Variants in SHOC2 observed in about 807,000 individuals in gnomAD.
The protein encoded by SHOC2 is leucine-rich repeat protein SHOC-2.
In SHOC2, 4 loss-of-function variants were observed where a neutral mutation model predicts 50.2. The ratio of observed to expected loss-of-function variants is 0.08; its 90% confidence interval spans 0.04 to 0.18. The LOEUF is 0.18. SHOC2 is among the 10% of genes least tolerant of loss of function. The probability of loss-of-function intolerance (pLI) is 1.00; values close to 1 mark genes in which losing one functional copy is unlikely to be tolerated. For missense variants in SHOC2, 388 were observed against 669.6 expected (o/e 0.58, Z 4.64); for synonymous variants, 218 against 244.5 (o/e 0.89, Z 1.01).
At chr10:110,996,349 G>A (rs138611211) in intron 3 of SHOC2, among the ~76,000 whole-genome samples, 119 of 152,152 alleles carry the variant, frequency 7.8e-4, no homozygotes, top group African/African-American at 2.6e-3. Context: ...GCAACATGGC[G>A]AAACTCTATC....
chr10:110,928,155 A>G lies in SHOC2; in HGVS notation c.-235+8498A>G, dbSNP rs148857231. ...AACATGGTAAAACCCTGTCTTTACT[A>G]AAAAAACAAAAATTAGCTGGGTGCA... is the stretch of plus-strand genomic sequence containing the variant. On this transcript the variant is annotated intron_variant, in intron 1 of 8. Coordinates refer to ENST00000369452, the MANE Select transcript of SHOC2 (RefSeq NM_007373.4). 4.9e-3 allele frequency among the ~76,000 whole-genome samples: 742 copies of G among 151,980 alleles called. 6 individuals carry two copies. The highest frequency in any genetic ancestry group is 0.017 in the African/African-American group (698 of 41,344).
At chr10:110,953,454 T>G (rs1847396328) in intron 1 of SHOC2, among the ~76,000 whole-genome samples, 1 of 152,218 alleles carries the variant, frequency 6.6e-6, no homozygotes, top group Non-Finnish European at 1.5e-5. Flanking sequence ...TTGTGTCTTT[T>G]TGTGGCTTGA....
In SHOC2 at chr10:110,945,624, T is replaced by G. The variant is rs183760464; in HGVS notation, c.-234-18501T>G. ...CTGTTTTCTGTGATGTCGCCTCCAC[T>G]TGGGCTTTGCCATCCCACACTGACA... On this transcript the variant is annotated intron_variant, in intron 1 of 8. Coordinates refer to ENST00000369452, the MANE Select transcript of SHOC2 (RefSeq NM_007373.4). Among the ~76,000 whole-genome samples, 43 of 152,268 alleles carry G rather than the reference T, an allele frequency of 2.8e-4. No individual in the cohort carries two copies. The East Asian group carries it at 7.3e-3, about 26-fold the overall frequency.
chr10:110,971,461 G>T (rs1471758891), intron 2 of SHOC2, among the ~76,000 whole-genome samples: 2 of 152,008 alleles, frequency 1.3e-5, no homozygotes, highest in Non-Finnish European at 2.9e-5. Context: ...CTAACTTTGT[G>T]TATACTTTGA....
At chr10:110,994,122 A>T (rs1008073726) in intron 3 of SHOC2, among the ~76,000 whole-genome samples, 7 of 151,382 alleles carry the variant, frequency 4.6e-5, no homozygotes, top group East Asian at 1.9e-4. Flanking sequence ...TTTTTTTTTT[A>T]AAGGTTAGCT....
intron 1 of SHOC2, among the ~76,000 whole-genome samples, chr10:110,930,164 C>G (rs1239460505): frequency 1.3e-5 from 2 of 152,230 alleles, no homozygotes; most frequent in East Asian, 1.9e-4. Flanking sequence ...ACCAAACTGT[C>G]AGAATGGTAG....
chr10:111,003,294 C>G (rs904891731), intron 4 of SHOC2, among the ~76,000 whole-genome samples: 2 of 152,148 alleles, frequency 1.3e-5, no homozygotes, highest in Admixed American at 1.3e-4. Flanking sequence ...TCATACAGTG[C>G]TTGCTTCTCC....
intron 2 of SHOC2, among the ~76,000 whole-genome samples, chr10:110,981,468 A>G (rs568172795): frequency 9.6e-4 from 146 of 152,328 alleles, no homozygotes; most frequent in African/African-American, 3.3e-3. Flanking sequence ...TCTCAAAAGG[A>G]TGTAAGAAAA....
chr10:110,971,600 A>G (rs1294977100), intron 2 of SHOC2, among the ~76,000 whole-genome samples: 1 of 151,998 alleles, frequency 6.6e-6, no homozygotes, highest in African/African-American at 2.4e-5. Flanking sequence ...TGGCATTTTG[A>G]TAGAGATTGC....
chr10:110,973,865 C>CATAT (rs755294328), intron 2 of SHOC2, among the ~76,000 whole-genome samples: 2 of 150,320 alleles, frequency 1.3e-5, no homozygotes, highest in African/African-American at 4.9e-5. Flanking sequence ...TTTAATGTTC[C>CATAT]ATATATATAT....
chr10:110,966,185 T>C (rs1847671973), intron 2 of SHOC2, among the ~76,000 whole-genome samples: 1 of 152,124 alleles, frequency 6.6e-6, no homozygotes, highest in African/African-American at 2.4e-5. Context: ...TACATTTAAC[T>C]CTTAACTAGA....
chr10:110,923,835 C>T lies in SHOC2; in HGVS notation c.-235+4178C>T, dbSNP rs535631157. 2.6e-5 allele frequency among the ~76,000 whole-genome samples: 4 copies of T among 152,236 alleles called. No homozygotes were observed. In the South Asian group the frequency reaches 6.2e-4, roughly 24 times the overall value. On this transcript the variant is annotated intron_variant, in intron 1 of 8. Coordinates refer to ENST00000369452, the MANE Select transcript of SHOC2 (RefSeq NM_007373.4). ...TTGATAGCACTAGGAAGACTTCTAA[C>T]GTTTAAATACTTTATTTGCCCTCAA...
chr10:110,964,236 T>C lies in SHOC2; in HGVS notation c.-123T>C. The stretch of plus-strand genomic sequence containing the variant: ...CATGTAACAGATGGATGTTACTCCA[T>C]GCTGATTACTTCTTCAAGCCAGTAC... On this transcript the variant is annotated 5_prime_UTR_variant, in exon 2 of 9. The change abolishes an upstream ATG in the 5' untranslated region. Coordinates refer to ENST00000369452, the MANE Select transcript of SHOC2 (RefSeq NM_007373.4). The surrounding 1 kb of genome is among the most constrained non-coding windows in gnomAD (Gnocchi z 4.9). 5 of 1,448,816 alleles carry C rather than the reference T, an allele frequency of 3.5e-6. No individual in the cohort carries two copies. The highest frequency in any genetic ancestry group is 2.6e-5 in the South Asian group (2 of 76,572). 89.7% of individuals were successfully genotyped at this position (1,448,816 alleles called of 1,614,324 possible). A position where few individuals can be genotyped will look rare whatever the true frequency, so the allele number is the denominator to read the frequency against.
At chr10:110,957,938 G>A (rs1564712124) in intron 1 of SHOC2, among the ~76,000 whole-genome samples, 1 of 152,222 alleles carries the variant, frequency 6.6e-6, no homozygotes, top group East Asian at 1.9e-4. Flanking sequence ...ATATGATTCT[G>A]TATGTAACTG....
intron 1 of SHOC2, among the ~76,000 whole-genome samples, chr10:110,926,762 T>G (rs1005565974): frequency 6.6e-6 from 1 of 152,184 alleles, no homozygotes; most frequent in African/African-American, 2.4e-5. Context: ...TTGGAAAAAT[T>G]CCATTCAAAA....
At chr10:110,953,816 G>A (rs1453614682) in intron 1 of SHOC2, among the ~76,000 whole-genome samples, 3 of 151,234 alleles carry the variant, frequency 2.0e-5, no homozygotes, top group Non-Finnish European at 4.4e-5. Context: ...TGGATTGGGG[G>A]GAATAGAAAA....
Position 111,006,648 on chromosome 10 carries a change from G to A in SHOC2, c.1162-883G>A, listed in dbSNP as rs180946307. On this transcript the variant is annotated intron_variant, in intron 5 of 8. Transcript: ENST00000369452. Reference sequence around the variant, plus strand: ...GCCTCCCAAAGTGCTGGGATTACAGGCGTGAGCCACCACGCCCGGCCGCAA... The same window carrying A: ...GCCTCCCAAAGTGCTGGGATTACAGACGTGAGCCACCACGCCCGGCCGCAA... Among the ~76,000 whole-genome samples the A allele has an allele frequency of 2.7e-4, 41 of 152,334 alleles. 1 individual carries two copies. Among genetic ancestry groups the A allele is most frequent in the African/African-American group, 9.9e-4 (41 of 41,572 alleles).
chr10:110,946,283 G>T (rs1847244975), intron 1 of SHOC2, among the ~76,000 whole-genome samples: 2 of 151,046 alleles, frequency 1.3e-5, no homozygotes, highest in Admixed American at 1.3e-4. Flanking sequence ...ATTTCTTAAA[G>T]AAGAAATTTA....
At chr10:110,956,518 T>A (rs553554117) in intron 1 of SHOC2, among the ~76,000 whole-genome samples, 133 of 152,364 alleles carry the variant, frequency 8.7e-4, no homozygotes, top group African/African-American at 3.1e-3. Flanking sequence ...CTTTGCCTAA[T>A]GTCCTGTGAT....
Sources: gnomAD v4.1 joint callset for allele counts (sites outside exome capture counted in the v4.1 genomes callset) on GRCh38, gnomAD v4.1.1 for gene constraint, Gnocchi (gnomAD v3.1) non-coding constraint, MANE v1.5 for transcripts, NCBI Gene and HGNC (gene_info 2026-07-23, HGNC 2026-07-21) for gene names.